The following MED23 variants were observed in gnomAD, a reference collection of about 807,000 sequenced individuals.
The protein encoded by MED23 is mediator of RNA polymerase II transcription subunit 23.
In MED23, 105 loss-of-function variants were observed where a neutral mutation model predicts 163.9. That is an observed-to-expected ratio of 0.64 (90% CI 0.55 to 0.75). The LOEUF (loss-of-function observed/expected upper bound fraction) is 0.75. Ranked by LOEUF, MED23 falls within the 30% of genes least tolerant of loss-of-function variation. The pLI, the probability that MED23 is intolerant of heterozygous loss-of-function variation, is 0.00. For synonymous variants in MED23, 561 were observed against 565.6 expected, an observed-to-expected ratio of 0.99 and a Z score of 0.12; for missense variants, 1,054 against 1,649.0, an observed-to-expected ratio of 0.64 and a Z score of 6.25.
At chr6:131,623,927 TAA>T (rs1319127766) in intron 4 of MED23, among the ~76,000 whole-genome samples, 1 of 152,250 alleles carries the variant, frequency 6.6e-6, no homozygotes, top group Non-Finnish European at 1.5e-5. Context: ...GTGTCTTTCA[TAA>T]AAGTGATTAC....
intron 30 of MED23, chr6:131,576,501 C>T (rs976910251): frequency 1.5e-6 from 1 of 687,360 alleles, no homozygotes; most frequent in African/African-American, 1.8e-5. Flanking sequence ...ATTCAGTCTA[C>T]CTTGCTGTGA....
At chr6:131,624,055 A>C (rs1049480749) in intron 4 of MED23, among the ~76,000 whole-genome samples, 2 of 152,238 alleles carry the variant, frequency 1.3e-5, no homozygotes, top group Admixed American at 6.5e-5. Context: ...AAAGAAGTCT[A>C]TCTAAAGCTT....
At chr6:131,586,324 C>T (rs553285803), downstream of MED23, among the ~76,000 whole-genome samples, 7 of 151,152 alleles carry the variant, frequency 4.6e-5, no homozygotes, top group East Asian at 7.8e-4. Flanking sequence ...GGCGTGAACC[C>T]GGGAGGTGGA....
rs1773773286 is a variant in MED23, at chr6:131,578,981, C to T, written c.4096-4686G>A. Reference sequence around the variant, plus strand: ...CATGGGTCTACCTTCCCAAGATTTACAGACCTTTCAGGTTTTTCCTTTGCT... The same window carrying T: ...CATGGGTCTACCTTCCCAAGATTTATAGACCTTTCAGGTTTTTCCTTTGCT... On this transcript the variant is annotated intron_variant, in intron 30 of 30. Transcript: ENST00000354577. The T allele has an allele frequency of 8.5e-6, 9 of 1,059,944 alleles. No homozygotes were observed. In the South Asian group the frequency reaches 1.5e-4, roughly 18 times the overall value. The allele number at this position is 1,059,944 out of a possible 1,614,324, so 65.7% of individuals were successfully genotyped here.
chr6:131,621,883 C>T lies in MED23; in HGVS notation c.493G>A (p.Glu165Lys), dbSNP rs1287260950. The change falls in exon 6 of 29, where the codon GAG (glutamate) becomes AAG (lysine). Residue 165 changes from glutamate to lysine, a missense_variant and splice_region_variant. Around this residue, in one of 11 missense-constraint regions of MED23, gnomAD observed 227 missense variants for 235.5 expected, o/e 0.96. Transcript: ENST00000368068. ...AATTTCAGACATGTCTAAATTACCTCTCTTGCTGCCAGAAGCTGCTGTACA... is the reference window on the plus strand; with the variant it reads ...AATTTCAGACATGTCTAAATTACCTTTCTTGCTGCCAGAAGCTGCTGTACA... ...AVVQQLLAAR[E>K]VIAYILERNA... is the part of the protein sequence containing the mutation. 1 of 1,604,898 alleles carries T rather than the reference C, an allele frequency of 6.2e-7. No individual in the cohort carries two copies. Among genetic ancestry groups the T allele is most frequent in the South Asian group, 1.1e-5 (1 of 89,362 alleles).
At position 131,628,144 on chromosome 6, in the gene MED23, G is replaced by C. The variant is rs983096500; in HGVS notation, c.-95C>G. 3 of 1,433,190 alleles carry C rather than the reference G, an allele frequency of 2.1e-6. No homozygotes were observed. Among genetic ancestry groups the C allele is most frequent in the South Asian group, 2.3e-5 (2 of 87,430 alleles). The allele number at this position is 1,433,190 out of a possible 1,614,324, so 88.8% of individuals were successfully genotyped here. ...AGGGGCAGAGGGGCGGAGACCTCTGGAGGAAACCGTAGCTCCTCGGCGTCG... is the reference window on the plus strand; with the variant it reads ...AGGGGCAGAGGGGCGGAGACCTCTGCAGGAAACCGTAGCTCCTCGGCGTCG... On this transcript the variant is annotated 5_prime_UTR_variant, in exon 1 of 29. Transcript: ENST00000368068.
chr6:131,575,398 T>C (rs1773565746), intron 30 of MED23, among the ~76,000 whole-genome samples: 1 of 151,992 alleles, frequency 6.6e-6, no homozygotes, highest in African/African-American at 2.4e-5. Flanking sequence ...CAGCACCCTA[T>C]TGGGGTTGAA....
chr6:131,605,973 G>A (rs1357569611), intron 13 of MED23, among the ~76,000 whole-genome samples: 1 of 152,078 alleles, frequency 6.6e-6, no homozygotes, highest in African/African-American at 2.4e-5. Flanking sequence ...GGGAAGTTAG[G>A]CTACTCCTAG....
intron 16 of MED23, among the ~76,000 whole-genome samples, chr6:131,602,756 G>C (rs1243353939): frequency 6.6e-6 from 1 of 151,952 alleles, no homozygotes; most frequent in Non-Finnish European, 1.5e-5. Flanking sequence ...ATTCTAAAGG[G>C]CTAAGTTACA....
In MED23 at chr6:131,624,999, G is replaced by C. The variant is rs896987316; in HGVS notation, c.160-10C>G. 2.5e-6 allele frequency: 4 copies of C among 1,612,970 alleles called. No homozygotes were observed. The African/African-American group carries it at 5.3e-5, about 22-fold the overall frequency. The stretch of plus-strand genomic sequence containing the variant: ...ACTGTTCATGAGACTCCTGGAAAAT[G>C]AGAGAATGATTTTACTTGGGGTCTA... On this transcript the variant is annotated splice_polypyrimidine_tract_variant and intron_variant, in intron 3 of 28. Transcript: ENST00000368068.
At chr6:131,584,162 T>C (rs1585431238), downstream of MED23, 1 of 461,506 alleles carries the variant, frequency 2.2e-6, no homozygotes, top group East Asian at 4.3e-5. Flanking sequence ...TACATTGATT[T>C]CCAATTAAAA....
intron 30 of MED23, among the ~76,000 whole-genome samples, chr6:131,578,906 C>T (rs1773768268): frequency 6.6e-6 from 1 of 152,120 alleles, no homozygotes; most frequent in African/African-American, 2.4e-5. Context: ...GCCCAGTATA[C>T]AGCCGCACCA....
rs769895441 is a variant in MED23, at chr6:131,600,139, T to C, written c.2119A>G (p.Ile707Val). 40 of 1,611,526 alleles carry C rather than the reference T, an allele frequency of 2.5e-5. No homozygotes were observed. Among genetic ancestry groups the C allele is most frequent in the Non-Finnish European group, 3.2e-5 (38 of 1,177,820 alleles). ...VTDFFTGSDS[I>V]QGTWCKDILQ... ...ATGTCTTTACACCAAGTTCCCTGAA[T>C]TGAATCAGAGCCTGTAAAAAAATCT... The change falls in exon 18 of 29, where the codon ATT becomes GTT. Residue 707 changes from isoleucine (I) to valine (V), a missense_variant. Physicochemically the swap from Ile to Val is conservative, Grantham distance 29. Around this residue, in one of 11 missense-constraint regions of MED23, gnomAD observed 228 missense variants for 461.3 expected, o/e 0.49. Coordinates refer to ENST00000368068, the MANE Select transcript of MED23 (RefSeq NM_004830.4).
chr6:131,616,677 G>A (rs754023431), intron 9 of MED23, among the ~76,000 whole-genome samples: 11 of 152,040 alleles, frequency 7.2e-5, no homozygotes, highest in African/African-American at 1.2e-4. Flanking sequence ...AAAACTAGCC[G>A]GGCATGGTGG....
At position 131,616,006 on chromosome 6, in the gene MED23, T is replaced by C. The variant is rs779091756; in HGVS notation, c.781-4A>G. On this transcript the variant is annotated splice_region_variant and splice_polypyrimidine_tract_variant and intron_variant, in intron 9 of 28. Transcript: ENST00000368068. ...CAGTCTGTGGTTCAAACAGATCCTT[T>C]AAAGAAAATAAGAAAATCATTGCTT... 1.2e-6 allele frequency: 2 copies of C among 1,601,374 alleles called. No individual in the cohort carries two copies. Among genetic ancestry groups the C allele is most frequent in the South Asian group, 2.2e-5 (2 of 90,766 alleles).
At chr6:131,596,223 A>C in intron 21 of MED23, 60 bp from the exon 22 acceptor site, 3 of 1,435,248 alleles carry the variant, frequency 2.1e-6, no homozygotes, top group Non-Finnish European at 2.9e-6. Flanking sequence ...CTCTTAAAAG[A>C]GCTAAATGTG....
intron 14 of MED23, among the ~76,000 whole-genome samples, chr6:131,604,690 A>T (rs1472998413): frequency 6.6e-6 from 1 of 152,222 alleles, no homozygotes; most frequent in African/African-American, 2.4e-5. Context: ...CTAAGACCCA[A>T]ATGTTACGTT....
intron 20 of MED23, among the ~76,000 whole-genome samples, chr6:131,597,236 G>A (rs1179962419): frequency 1.3e-5 from 2 of 151,778 alleles, no homozygotes; most frequent in African/African-American, 4.8e-5. Context: ...CAGAACTTTC[G>A]GAGGCCGAGG....
intron 26 of MED23, 102 bp downstream of exon 26, chr6:131,591,211 C>T: frequency 1.2e-6 from 1 of 859,526 alleles, no homozygotes; most frequent in Non-Finnish European, 1.9e-6. Context: ...ATCGCCTGAC[C>T]TTGTGATCTG....
Sources: gnomAD v4.1 joint callset for allele counts (sites outside exome capture counted in the v4.1 genomes callset) on GRCh38, gnomAD v4.1.1 for gene constraint, gnomAD v4.1.1 regional missense constraint, MANE v1.5 for transcripts, NCBI Gene and HGNC (gene_info 2026-07-23, HGNC 2026-07-21) for gene names.